GPC5: variants seen among roughly 807,000 people sequenced by gnomAD.
GPC5 encodes the protein glypican-5.
A neutral mutation model predicts 53.9 loss-of-function variants in GPC5; 47 were observed. The observed-to-expected ratio is 0.87, with a 90% CI of 0.69 to 1.11. The LOEUF is 1.11. GPC5 is among the 50% of genes most tolerant of loss of function. The probability of loss-of-function intolerance (pLI) is 0.00; values close to 1 mark genes in which losing one functional copy is unlikely to be tolerated. For missense variants in GPC5, 748 were observed against 713.1 expected (o/e 1.05, Z -0.56); for synonymous variants, 286 against 263.3 (o/e 1.09, Z -0.84).
At chr13:92,334,643 T>TA (rs2043310103) in intron 7 of GPC5, among the ~76,000 whole-genome samples, 1 of 152,122 alleles carries the variant, frequency 6.6e-6, no homozygotes, top group Non-Finnish European at 1.5e-5. Flanking sequence ...TATGAGCCTG[T>TA]AAAATCAAAA....
At chr13:92,459,329 T>C (rs915185764) in intron 7 of GPC5, among the ~76,000 whole-genome samples, 1 of 152,150 alleles carries the variant, frequency 6.6e-6, no homozygotes, top group South Asian at 2.1e-4. Flanking sequence ...CTAGGGCTCG[T>C]GAGATGTCCT....
intron 5 of GPC5, among the ~76,000 whole-genome samples, chr13:91,766,095 G>A (rs1362895933): frequency 6.6e-6 from 1 of 152,176 alleles, no homozygotes; most frequent in Non-Finnish European, 1.5e-5. Flanking sequence ...GGACAAAATA[G>A]ACATAAGTCC....
chr13:92,692,150 A>C (rs1005046790), intron 7 of GPC5, among the ~76,000 whole-genome samples: 1 of 152,134 alleles, frequency 6.6e-6, no homozygotes, highest in African/African-American at 2.4e-5. Flanking sequence ...TTTCTGAGTT[A>C]GTTCACTTAG....
At chr13:91,451,868 G>A (rs1282521739) in intron 2 of GPC5, among the ~76,000 whole-genome samples, 4 of 151,410 alleles carry the variant, frequency 2.6e-5, no homozygotes, top group Non-Finnish European at 5.9e-5. Context: ...TACCCACCTC[G>A]CCCTCCCAAA....
intron 6 of GPC5, among the ~76,000 whole-genome samples, chr13:92,056,066 C>A (rs1004008563): frequency 2.0e-5 from 3 of 151,998 alleles, no homozygotes; most frequent in Non-Finnish European, 4.4e-5. Context: ...GCTCCCATAC[C>A]CAACTACTAT....
At chr13:92,327,377 A>G (rs979922155) in intron 7 of GPC5, among the ~76,000 whole-genome samples, 8 of 152,178 alleles carry the variant, frequency 5.3e-5, no homozygotes, top group Non-Finnish European at 8.8e-5. Flanking sequence ...TTGTGTTACT[A>G]TCTTACACAT....
intron 7 of GPC5, among the ~76,000 whole-genome samples, chr13:92,182,223 A>G (rs1406204370): frequency 6.6e-6 from 1 of 152,260 alleles, no homozygotes; most frequent in Non-Finnish European, 1.5e-5. Context: ...CCTTACAGCT[A>G]TATTTTAACA....
rs865902753 is a variant in GPC5 at position 92,184,368 on chromosome 13, A to G, written c.1561+39379A>G. ...GCACACAAAAAAATTTATTTCTATT[A>G]CTAGAGTTCTTTAGAACTTTAGCCA... On this transcript the variant is annotated intron_variant, in intron 7 of 7. Transcript: ENST00000377067. Among the ~76,000 whole-genome samples the G allele has an allele frequency of 4.8e-4, 73 of 152,194 alleles. 1 individual carries two copies. Among genetic ancestry groups the G allele is most frequent in the African/African-American group, 1.7e-3 (71 of 41,444 alleles).
intron 7 of GPC5, chr13:92,709,425 C>T (rs1888064918): frequency 6.6e-6 from 1 of 152,072 alleles, no homozygotes; most frequent in Non-Finnish European, 1.5e-5. Context: ...TATATTACTC[C>T]ACTTTGCTTC....
At chr13:91,785,960 C>T (rs1231908052) in intron 5 of GPC5, among the ~76,000 whole-genome samples, 2 of 152,088 alleles carry the variant, frequency 1.3e-5, no homozygotes, top group African/African-American at 4.8e-5. Context: ...CAGAAATCTG[C>T]CTCAGGTCTG....
chr13:91,588,757 C>G (rs1442865038), intron 2 of GPC5, among the ~76,000 whole-genome samples: 1 of 152,024 alleles, frequency 6.6e-6, no homozygotes, highest in African/African-American at 2.4e-5. Context: ...TGTTGTTTAT[C>G]CCTTGTGTCA....
At chr13:92,151,610 A>G (rs963842175) in intron 7 of GPC5, among the ~76,000 whole-genome samples, 16 of 152,140 alleles carry the variant, frequency 1.1e-4, no homozygotes, top group African/African-American at 3.9e-4. Context: ...ACTTCTTAAC[A>G]CCAAAGTAGA....
chr13:92,035,966 C>T (rs2040889850), intron 6 of GPC5, among the ~76,000 whole-genome samples: 1 of 152,126 alleles, frequency 6.6e-6, no homozygotes, highest in Admixed American at 6.5e-5. Context: ...TTGACAGTTG[C>T]ATTATAGGTT....
intron 2 of GPC5, among the ~76,000 whole-genome samples, chr13:91,653,760 A>T (rs2139571481): frequency 6.6e-6 from 1 of 152,254 alleles, no homozygotes; most frequent in South Asian, 2.1e-4. Context: ...GATTAATTAA[A>T]TCACATCTTA....
At chr13:92,565,276 G>A (rs940473901) in intron 7 of GPC5, among the ~76,000 whole-genome samples, 2 of 152,146 alleles carry the variant, frequency 1.3e-5, no homozygotes, top group Non-Finnish European at 2.9e-5. Flanking sequence ...AAAAAGAAAC[G>A]AACATTTATT....
intron 7 of GPC5, among the ~76,000 whole-genome samples, chr13:92,190,308 A>G (rs1284480627): frequency 3.3e-5 from 5 of 152,214 alleles, no homozygotes; most frequent in African/African-American, 1.2e-4. Flanking sequence ...TGCCAGTGGA[A>G]CTGCCTTGCA....
chr13:92,863,914 T>C (rs778746036), intron 7 of GPC5, among the ~76,000 whole-genome samples: 16 of 152,212 alleles, frequency 1.1e-4, no homozygotes, highest in Admixed American at 2.0e-4. Context: ...AAACTATGAA[T>C]TTATTCACAC....
intron 7 of GPC5, among the ~76,000 whole-genome samples, chr13:92,502,061 A>T (rs1441932148): frequency 6.6e-6 from 1 of 152,082 alleles, no homozygotes; most frequent in Non-Finnish European, 1.5e-5. Context: ...TGTTCTCATG[A>T]TTCTTTAAAA....
chr13:91,732,257 T>C (rs779361723), intron 4 of GPC5, among the ~76,000 whole-genome samples: 5 of 152,234 alleles, frequency 3.3e-5, no homozygotes, highest in Non-Finnish European at 5.9e-5. Context: ...CTCATTGTGA[T>C]TTTGAGCTGT....
Sources: gnomAD v4.1 joint callset for allele counts (sites outside exome capture counted in the v4.1 genomes callset) on GRCh38, gnomAD v4.1.1 for gene constraint, MANE v1.5 for transcripts, NCBI Gene and HGNC (gene_info 2026-07-23, HGNC 2026-07-21) for gene names.